The following GALNTL6 variants were observed in gnomAD, a reference collection of about 807,000 sequenced individuals.
GALNTL6 encodes the protein polypeptide N-acetylgalactosaminyltransferase-like 6.
GALNTL6 carries 46 observed loss-of-function variants against 73.7 expected under a neutral mutation model. The ratio of observed to expected loss-of-function variants is 0.62; its 90% CI spans 0.49 to 0.80. The LOEUF (loss-of-function observed/expected upper bound fraction) is 0.80, where lower values mean the gene tolerates loss of function less well. Among genes scored for constraint, GALNTL6 ranks in the 30% least tolerant of loss-of-function variants. GALNTL6 has a pLI of 0.00. For missense variants in GALNTL6, 604 were observed against 755.0 expected (o/e 0.80, Z 2.34); for synonymous variants, 259 against 263.7 (o/e 0.98, Z 0.17).
intron 2 of GALNTL6, among the ~76,000 whole-genome samples, chr4:172,107,984 C>T (rs1042924696): frequency 1.3e-5 from 2 of 152,046 alleles, no homozygotes; most frequent in African/African-American, 4.8e-5. Flanking sequence ...GGTTTTTAGT[C>T]AAGGATCTAG....
At chr4:172,540,201 C>T (rs1735500807) in intron 5 of GALNTL6, among the ~76,000 whole-genome samples, 1 of 151,794 alleles carries the variant, frequency 6.6e-6, no homozygotes, top group Non-Finnish European at 1.5e-5. Flanking sequence ...CAGGCGTATG[C>T]CACCAGGCCT....
intron 3 of GALNTL6, among the ~76,000 whole-genome samples, chr4:172,290,435 T>G (rs892062115): frequency 2.6e-5 from 4 of 152,132 alleles, no homozygotes; most frequent in African/African-American, 9.7e-5. Context: ...TACTTATATT[T>G]TTTATCTTAA....
chr4:171,860,462 C>T (rs1339144878), intron 2 of GALNTL6, among the ~76,000 whole-genome samples: 4 of 152,156 alleles, frequency 2.6e-5, no homozygotes, highest in African/African-American at 9.7e-5. Context: ...AGCACCCTGA[C>T]AACCTGGCTT....
chr4:172,101,788 G>A (rs564745497), intron 2 of GALNTL6, among the ~76,000 whole-genome samples: 98 of 152,018 alleles, frequency 6.4e-4, no homozygotes, highest in African/African-American at 2.3e-3. Flanking sequence ...TATATTGGCT[G>A]ATGATTAAAC....
rs1477888963 is a variant in GALNTL6 at position 171,820,521 on chromosome 4, T to A, written c.138+5803T>A. Among the ~76,000 whole-genome samples the A allele has an allele frequency of 3.9e-5, 6 of 152,380 alleles. No homozygotes were observed. The East Asian group carries it at 7.7e-4, about 20-fold the overall frequency. On this transcript the variant is annotated intron_variant, in intron 2 of 12. Transcript: ENST00000506823. ...TTAAATCCACCCAACTGTTTTGTTTTCAGCAATATTTTTAACTTCTGTGAC... is the reference window on the plus strand; with the variant it reads ...TTAAATCCACCCAACTGTTTTGTTTACAGCAATATTTTTAACTTCTGTGAC...
At chr4:172,981,536 G>T (rs1262590617) in intron 10 of GALNTL6, among the ~76,000 whole-genome samples, 1 of 151,970 alleles carries the variant, frequency 6.6e-6, no homozygotes, top group Non-Finnish European at 1.5e-5. Flanking sequence ...AACATCTTTT[G>T]CCTGTTTCTA....
At chr4:172,373,103 T>A (rs547345667) in intron 5 of GALNTL6, among the ~76,000 whole-genome samples, 24 of 152,218 alleles carry the variant, frequency 1.6e-4, no homozygotes, top group Non-Finnish European at 2.8e-4. Context: ...AGGACCAGAG[T>A]GCCTGGACTT....
intron 2 of GALNTL6, among the ~76,000 whole-genome samples, chr4:171,958,333 C>T (rs549605717): frequency 6.6e-6 from 1 of 152,126 alleles, no homozygotes; most frequent in South Asian, 2.1e-4. Flanking sequence ...ATACACAAGT[C>T]TTTTTCTATA....
At chr4:173,005,915 C>T (rs1352045744) in intron 10 of GALNTL6, among the ~76,000 whole-genome samples, 3 of 152,124 alleles carry the variant, frequency 2.0e-5, no homozygotes, top group Admixed American at 6.5e-5. Context: ...TTAGAAAATT[C>T]AAGAGTCTAG....
At chr4:172,775,782 G>GTGAGACCTCATCT (rs1176189228) in intron 5 of GALNTL6, among the ~76,000 whole-genome samples, 2 of 152,118 alleles carry the variant, frequency 1.3e-5, no homozygotes, top group Non-Finnish European at 2.9e-5. Context: ...ATTAGTTTAG[G>GTGAGACCTCATCT]TGAGACCTCA....
At chr4:172,540,075 A>T (rs1579168760) in intron 5 of GALNTL6, among the ~76,000 whole-genome samples, 1 of 131,274 alleles carries the variant, frequency 7.6e-6, no homozygotes. Flanking sequence ...TTTTTGAGAG[A>T]GTGTCTTGCT....
chr4:172,683,748 A>G (rs976017169), intron 5 of GALNTL6, among the ~76,000 whole-genome samples: 3 of 152,234 alleles, frequency 2.0e-5, no homozygotes, highest in Non-Finnish European at 2.9e-5. Context: ...AACAGAATGA[A>G]GCAGTTAGTG....
rs10015858 is a variant in GALNTL6, at chr4:172,851,856, T to C, written c.924-30934T>C. Among the ~76,000 whole-genome samples the C allele has an allele frequency of 2.7e-3, 406 of 152,088 alleles. 2 individuals are homozygous for C. The highest frequency in any genetic ancestry group is 9.0e-3 in the African/African-American group (373 of 41,478). ...ACATGAGTTCTAAGTAGCCCCAATA[T>C]TTAAGGTGTTTAGATAGTGTTCAAA... On this transcript the variant is annotated intron_variant, in intron 7 of 12. Coordinates refer to ENST00000506823, the MANE Select transcript of GALNTL6 (RefSeq NM_001034845.3).
chr4:171,988,791 TA>T (rs1387679383), intron 2 of GALNTL6, among the ~76,000 whole-genome samples: 2 of 151,952 alleles, frequency 1.3e-5, no homozygotes, highest in Non-Finnish European at 2.9e-5. Context: ...TTGAGCCGGG[TA>T]AGAGTGATTA....
chr4:172,156,781 G>A (rs1316295735), intron 2 of GALNTL6, among the ~76,000 whole-genome samples: 2 of 151,754 alleles, frequency 1.3e-5, no homozygotes, highest in East Asian at 3.9e-4. Context: ...GTGCCATGGG[G>A]TGCGGGGGAA....
At chr4:172,006,179 T>C (rs1740835505) in intron 2 of GALNTL6, among the ~76,000 whole-genome samples, 1 of 152,210 alleles carries the variant, frequency 6.6e-6, no homozygotes, top group Non-Finnish European at 1.5e-5. Context: ...GAGGACACGA[T>C]TGAAATGCAT....
At chr4:172,319,646 C>T (rs1366511908) in intron 4 of GALNTL6, among the ~76,000 whole-genome samples, 1 of 152,048 alleles carries the variant, frequency 6.6e-6, no homozygotes, top group African/African-American at 2.4e-5. Flanking sequence ...AACAAATGTG[C>T]TCTTACCTGA....
At chr4:172,843,954 G>A (rs1419975317) in intron 7 of GALNTL6, among the ~76,000 whole-genome samples, 2 of 152,178 alleles carry the variant, frequency 1.3e-5, no homozygotes, top group East Asian at 3.9e-4. Context: ...AGCTATTTGG[G>A]AGGCTGAGGC....
chr4:172,191,733 T>C (rs967593058), intron 2 of GALNTL6, among the ~76,000 whole-genome samples: 1 of 152,248 alleles, frequency 6.6e-6, no homozygotes. Flanking sequence ...TTCAGGATTC[T>C]ATATAGATTT....
Sources: gnomAD v4.1 joint callset for allele counts (sites outside exome capture counted in the v4.1 genomes callset) on GRCh38, gnomAD v4.1.1 for gene constraint, MANE v1.5 for transcripts, NCBI Gene and HGNC (gene_info 2026-07-23, HGNC 2026-07-21) for gene names.